Variants in CDYL2 observed in about 807,000 individuals in gnomAD.
CDYL2 encodes chromodomain Y-like protein 2.
In CDYL2, 23 loss-of-function variants were observed where a neutral mutation model predicts 49.4. That is an observed-to-expected ratio of 0.47 (90% CI 0.34 to 0.66). CDYL2 has a LOEUF of 0.66. Ranked by LOEUF, CDYL2 falls within the 30% of genes least tolerant of loss-of-function variation. The pLI is 0.01. For missense variants in CDYL2, 678 were observed against 656.4 expected, an observed-to-expected ratio of 1.03 and a Z score of -0.36; for synonymous variants, 360 against 268.8, an observed-to-expected ratio of 1.34 and a Z score of -3.32.
At chr16:80,715,964 T>G (rs1203652313) in intron 1 of CDYL2, among the ~76,000 whole-genome samples, 2 of 152,240 alleles carry the variant, frequency 1.3e-5, no homozygotes, top group Non-Finnish European at 2.9e-5. Flanking sequence ...AAAACCCAGC[T>G]CTGTCGCCGA....
At chr16:80,695,189 G>C (rs1163383178) in intron 1 of CDYL2, among the ~76,000 whole-genome samples, 2 of 152,218 alleles carry the variant, frequency 1.3e-5, no homozygotes, top group Admixed American at 6.5e-5. Flanking sequence ...TGTAATATCT[G>C]TGGCTGCTTT....
intron 1 of CDYL2, among the ~76,000 whole-genome samples, chr16:80,700,766 C>G (rs1192461687): frequency 1.3e-5 from 2 of 152,238 alleles, no homozygotes; most frequent in Non-Finnish European, 2.9e-5. Context: ...GTACAACCTT[C>G]TCTCCTCCTC....
At chr16:80,645,813 G>T (rs1908314882) in intron 2 of CDYL2, among the ~76,000 whole-genome samples, 1 of 151,770 alleles carries the variant, frequency 6.6e-6, no homozygotes, top group South Asian at 2.1e-4. Context: ...CCATAAAAAA[G>T]GATGAGTTCA....
chr16:80,691,096 C>T (rs1461411456), intron 1 of CDYL2, among the ~76,000 whole-genome samples: 1 of 152,180 alleles, frequency 6.6e-6, no homozygotes, highest in South Asian at 2.1e-4. Flanking sequence ...TCCACGCCTA[C>T]AGCCTCTGCC....
chr16:80,647,811 G>A (rs1284352024), intron 2 of CDYL2, among the ~76,000 whole-genome samples: 1 of 152,000 alleles, frequency 6.6e-6, no homozygotes, highest in African/African-American at 2.4e-5. Flanking sequence ...ATTAATAAAT[G>A]GAAATATCAA....
intron 2 of CDYL2, among the ~76,000 whole-genome samples, chr16:80,682,644 G>C (rs1190944469): frequency 6.6e-6 from 1 of 152,214 alleles, no homozygotes; most frequent in Non-Finnish European, 1.5e-5. Context: ...AGCAGGGCAG[G>C]GAGCTGCTAA....
intron 1 of CDYL2, among the ~76,000 whole-genome samples, chr16:80,758,200 T>A (rs1906379790): frequency 6.6e-6 from 1 of 152,184 alleles, no homozygotes; most frequent in Middle Eastern, 3.2e-3. Context: ...TAGACACCAA[T>A]TATTAATAAT....
intron 1 of CDYL2, among the ~76,000 whole-genome samples, chr16:80,712,461 T>A (rs533371343): frequency 8.2e-4 from 125 of 151,888 alleles, no homozygotes; most frequent in Non-Finnish European, 1.6e-3. Context: ...GCGCCTCACA[T>A]CTCCCTGTTT....
chr16:80,763,148 T>C (rs1906589368), intron 1 of CDYL2, among the ~76,000 whole-genome samples: 1 of 150,306 alleles, frequency 6.7e-6, no homozygotes, highest in African/African-American at 2.5e-5. Context: ...AGCAGGAACC[T>C]AACTAATCCT....
At chr16:80,786,538 T>C (rs1907441771) in intron 1 of CDYL2, among the ~76,000 whole-genome samples, 1 of 152,186 alleles carries the variant, frequency 6.6e-6, no homozygotes, top group South Asian at 2.1e-4. Flanking sequence ...AGTCCAACCA[T>C]TGTGGAAGAC....
At chr16:80,680,480 G>A (rs1036826680) in intron 2 of CDYL2, among the ~76,000 whole-genome samples, 2 of 152,180 alleles carry the variant, frequency 1.3e-5, no homozygotes, top group Non-Finnish European at 2.9e-5. Flanking sequence ...AAAGGCTCGT[G>A]TGAATCCATA....
At chr16:80,697,567 G>C (rs993208856) in intron 1 of CDYL2, among the ~76,000 whole-genome samples, 3 of 152,086 alleles carry the variant, frequency 2.0e-5, no homozygotes, top group Non-Finnish European at 4.4e-5. Flanking sequence ...GGAAGTCCTA[G>C]CCAGGGAAAT....
At chr16:80,633,272 A>G (rs1421834240) in intron 2 of CDYL2, 36 bp from the exon 3 acceptor site, 1 of 1,587,194 alleles carries the variant, frequency 6.3e-7, no homozygotes, top group Non-Finnish European at 8.6e-7. Flanking sequence ...AGAAACTGAA[A>G]TGGACCACGA....
chr16:80,664,071 G>A (rs1597156982), intron 2 of CDYL2, among the ~76,000 whole-genome samples: 1 of 152,028 alleles, frequency 6.6e-6, no homozygotes. Flanking sequence ...TATTCTGTAG[G>A]GTATCAAAGT....
chr16:80,649,920 G>T (rs1325109808), intron 2 of CDYL2, among the ~76,000 whole-genome samples: 1 of 149,122 alleles, frequency 6.7e-6, no homozygotes, highest in Non-Finnish European at 1.5e-5. Context: ...ATATTCAGAA[G>T]AATGAAACTA....
chr16:80,803,816 A>T (rs1326243913), intron 1 of CDYL2, among the ~76,000 whole-genome samples: 1 of 141,790 alleles, frequency 7.1e-6, no homozygotes, highest in African/African-American at 2.6e-5. Context: ...CGGGCGAGAA[A>T]CACCTCCCCG....
intron 1 of CDYL2, among the ~76,000 whole-genome samples, chr16:80,758,621 C>A (rs973885161): frequency 1.4e-5 from 2 of 148,114 alleles, no homozygotes; most frequent in African/African-American, 2.5e-5. Flanking sequence ...CCGCTCACTG[C>A]AAGCTCTGCC....
At chr16:80,789,070 A>G (rs994185914) in intron 1 of CDYL2, among the ~76,000 whole-genome samples, 1 of 152,206 alleles carries the variant, frequency 6.6e-6, no homozygotes, top group Non-Finnish European at 1.5e-5. Flanking sequence ...TCACAGTGAG[A>G]TATCATCTTA....
rs112045044 is a variant in CDYL2, at chr16:80,674,801, G to T, written c.616+9737C>A. The stretch of plus-strand genomic sequence containing the variant: ...AATAACATCCGTCGTCTGGGAAGAC[G>T]ACATTTTGTTTATCCATTCATCAGT... On this transcript the variant is annotated intron_variant, in intron 2 of 6. Coordinates refer to ENST00000570137, the MANE Select transcript of CDYL2 (RefSeq NM_152342.4). Among the ~76,000 whole-genome samples the T allele has an allele frequency of 1.0e-3, 155 of 152,302 alleles. No homozygotes were observed. In the East Asian group the frequency reaches 0.016, roughly 16 times the overall value.
Sources: gnomAD v4.1 joint callset for allele counts (sites outside exome capture counted in the v4.1 genomes callset) on GRCh38, gnomAD v4.1.1 for gene constraint, MANE v1.5 for transcripts, NCBI Gene and HGNC (gene_info 2026-07-23, HGNC 2026-07-21) for gene names.